The following VWA3B variants were observed in gnomAD, a reference collection of about 807,000 sequenced individuals.
The protein encoded by VWA3B is von Willebrand factor A domain containing 3B, also known as von Willebrand factor A domain-containing protein 3B.
VWA3B carries 138 observed loss-of-function variants against 158.3 expected under a neutral mutation model. The ratio of observed to expected loss-of-function variants is 0.87; its 90% CI spans 0.76 to 1.00. The LOEUF is 1.00. Among genes scored for constraint, VWA3B ranks in the 50% least tolerant of loss-of-function variants. The probability of loss-of-function intolerance (pLI) is 0.00; values close to 1 mark genes in which losing one functional copy is unlikely to be tolerated. For missense variants in VWA3B, 1,555 were observed against 1,565.1 expected (o/e 0.99, Z 0.11); for synonymous variants, 596 against 587.3 (o/e 1.01, Z -0.21).
In VWA3B at chr2:98,125,499, G is replaced by A. The variant is rs1043292013; in HGVS notation, c.703-2740G>A. 2.0e-5 allele frequency among the ~76,000 whole-genome samples: 3 copies of A among 152,142 alleles called. No individual in the cohort carries two copies. The highest frequency in any genetic ancestry group is 4.4e-5 in the Non-Finnish European group (3 of 68,026). On this transcript the variant is annotated intron_variant, in intron 5 of 27. Coordinates refer to ENST00000477737, the MANE Select transcript of VWA3B (RefSeq NM_144992.5). This position sits in a 1 kb window ranked among gnomAD's most constrained non-coding sequence, Gnocchi z 4.1. ...TTTCTTCATCTGTAAACTGGGCATG[G>A]TAATAATTCATGCTCCACAGGACTG... is the stretch of plus-strand genomic sequence containing the variant.
chr2:98,269,867 C>T (rs779802441), intron 21 of VWA3B, among the ~76,000 whole-genome samples: 4 of 152,198 alleles, frequency 2.6e-5, no homozygotes, highest in East Asian at 1.9e-4. Context: ...CTTCTGGGTA[C>T]GAGTTTGTTT....
intron 12 of VWA3B, among the ~76,000 whole-genome samples, chr2:98,210,394 A>G (rs1453050671): frequency 6.6e-6 from 1 of 152,226 alleles, no homozygotes; most frequent in East Asian, 1.9e-4. Flanking sequence ...AGGTCGTCAT[A>G]TTCTAGGCAT....
chr2:98,228,437 A>G, intron 15 of VWA3B, 105 bp downstream of exon 15: 1 of 1,369,374 alleles, frequency 7.3e-7, no homozygotes, highest in Non-Finnish European at 9.8e-7. Flanking sequence ...AATTTCTTTT[A>G]GTGAAAAGAA....
intron 9 of VWA3B, among the ~76,000 whole-genome samples, chr2:98,186,970 C>T (rs1215956647): frequency 6.6e-6 from 1 of 152,096 alleles, no homozygotes; most frequent in Middle Eastern, 3.4e-3. Flanking sequence ...CTCTCTCTTC[C>T]CTCTCTCTCT....
intron 15 of VWA3B, 64 bp downstream of exon 15, chr2:98,228,396 G>A (rs1015565486): frequency 7.9e-6 from 12 of 1,523,090 alleles, no homozygotes; most frequent in Non-Finnish European, 1.1e-5. Flanking sequence ...CTTGCCCCCT[G>A]GGCCCTTGTC....
intron 7 of VWA3B, among the ~76,000 whole-genome samples, chr2:98,140,608 A>T (rs1049453542): frequency 1.3e-5 from 2 of 151,964 alleles, no homozygotes; most frequent in African/African-American, 4.8e-5. Flanking sequence ...TCTCTTTATG[A>T]TGGGCTTGGC....
chr2:98,318,689 A>G, the VWA3B span, among the ~76,000 whole-genome samples: 1 of 152,216 alleles, frequency 6.6e-6, no homozygotes, highest in Admixed American at 6.5e-5. Context: ...ACATTTACCT[A>G]TGTAACAAAC....
rs1440293091 is a variant in VWA3B, at chr2:98,211,924, C to G, written c.1738-6C>G. On this transcript the variant is annotated splice_region_variant and splice_polypyrimidine_tract_variant and intron_variant, in intron 12 of 27. Coordinates refer to ENST00000477737, the MANE Select transcript of VWA3B (RefSeq NM_144992.5). Reference sequence around the variant, plus strand: ...AGTGTGTCCTTGGTGTCTCTTTTTTCCGTAGATTGGAAGCTCCACAAACAC... The same window carrying G: ...AGTGTGTCCTTGGTGTCTCTTTTTTGCGTAGATTGGAAGCTCCACAAACAC... 6.2e-7 allele frequency: 1 copy of G among 1,610,082 alleles called. No homozygotes were observed. Among genetic ancestry groups the G allele is most frequent in the Non-Finnish European group, 8.5e-7 (1 of 1,178,660 alleles).
At position 98,125,810 on chromosome 2, in the gene VWA3B, C is replaced by A. The variant is rs1484107145; in HGVS notation, c.703-2429C>A. On this transcript the variant is annotated intron_variant, in intron 5 of 27. Transcript: ENST00000477737. This position sits in a 1 kb window ranked among gnomAD's most constrained non-coding sequence, Gnocchi z 4.1. ...TCCCCAGTAGCTGGGACTACAGGCG[C>A]CTGCCACCACATCCGGCTAATTTTT... Among the ~76,000 whole-genome samples, 1 of 152,150 alleles carries A rather than the reference C, an allele frequency of 6.6e-6. No individual in the cohort carries two copies. The highest frequency in any genetic ancestry group is 1.5e-5 in the Non-Finnish European group (1 of 68,018).
chr2:98,220,968 T>G (rs1684447768), intron 14 of VWA3B, among the ~76,000 whole-genome samples: 1 of 151,966 alleles, frequency 6.6e-6, no homozygotes, highest in South Asian at 2.1e-4. Context: ...CTGGGGCCTG[T>G]CGGGGGCGGG....
At chr2:98,297,414 A>G (rs1316987115) in intron 23 of VWA3B, among the ~76,000 whole-genome samples, 1 of 152,126 alleles carries the variant, frequency 6.6e-6, no homozygotes, top group Non-Finnish European at 1.5e-5. Context: ...TTTCAGCTGT[A>G]TATTTTGGGG....
chr2:98,131,564 C>T (rs1272771726), intron 6 of VWA3B, among the ~76,000 whole-genome samples: 1 of 152,090 alleles, frequency 6.6e-6, no homozygotes, highest in Non-Finnish European at 1.5e-5. Flanking sequence ...ACATTCCCAC[C>T]AACAATTTAT....
At chr2:98,310,809 G>A (rs1690837341) in intron 26 of VWA3B, among the ~76,000 whole-genome samples, 1 of 152,204 alleles carries the variant, frequency 6.6e-6, no homozygotes, top group South Asian at 2.1e-4. Context: ...CAATGTCACT[G>A]CTGTCGCCCA....
chr2:98,191,093 C>T lies in VWA3B; in HGVS notation c.1467-1805C>T, dbSNP rs543178396. Among the ~76,000 whole-genome samples, 3 of 152,136 alleles carry T rather than the reference C, an allele frequency of 2.0e-5. No homozygotes were observed. In the East Asian group the frequency reaches 5.8e-4, roughly 29 times the overall value. ...TGTTTCCTTTGCTTTGTCTTTTGTT[C>T]CCTAATCTTTTCTTCTCCTAATGTC... On this transcript the variant is annotated intron_variant, in intron 10 of 27. Transcript: ENST00000477737.
At chr2:98,110,525 T>A (rs1674058628) in intron 2 of VWA3B, among the ~76,000 whole-genome samples, 1 of 152,228 alleles carries the variant, frequency 6.6e-6, no homozygotes, top group African/African-American at 2.4e-5. Flanking sequence ...TGTCTTTTTT[T>A]ATAATCTTCC....
intron 13 of VWA3B, among the ~76,000 whole-genome samples, chr2:98,215,810 C>T (rs1012582894): frequency 6.6e-6 from 1 of 152,184 alleles, no homozygotes; most frequent in African/African-American, 2.4e-5. Flanking sequence ...GCCACCGCGC[C>T]CAGCCAATTT....
At chr2:98,121,266 T>C in intron 4 of VWA3B, 33 bp from the exon 5 acceptor site, 1 of 1,601,044 alleles carries the variant, frequency 6.2e-7, no homozygotes, top group Non-Finnish European at 8.6e-7. Flanking sequence ...CACTGATCAC[T>C]GCCCAGTGAC....
In VWA3B at chr2:98,215,033, C is replaced by G. The variant is rs574316167; in HGVS notation, c.1837-2813C>G. Among the ~76,000 whole-genome samples, 51 of 152,220 alleles carry G rather than the reference C, an allele frequency of 3.4e-4. 2 individuals carry two copies. In the South Asian group the frequency reaches 0.01, roughly 30 times the overall value. ...ACGGACTTCTGAGGCTCTGGAATCT[C>G]CCAATAATATGTATAAAAATACACT... On this transcript the variant is annotated intron_variant, in intron 13 of 27. Coordinates refer to ENST00000477737, the MANE Select transcript of VWA3B (RefSeq NM_144992.5).
At chr2:98,102,358 T>C (rs1559533346) in intron 2 of VWA3B, among the ~76,000 whole-genome samples, 1 of 152,178 alleles carries the variant, frequency 6.6e-6, no homozygotes, top group Non-Finnish European at 1.5e-5. Flanking sequence ...GCCATCGTCA[T>C]CATGGCCTGT....
Sources: gnomAD v4.1 joint callset for allele counts (sites outside exome capture counted in the v4.1 genomes callset) on GRCh38, gnomAD v4.1.1 for gene constraint, Gnocchi (gnomAD v3.1) non-coding constraint, MANE v1.5 for transcripts, NCBI Gene and HGNC (gene_info 2026-07-23, HGNC 2026-07-21) for gene names.